Variants in PMEPA1 observed in about 807,000 individuals in gnomAD.
The protein encoded by PMEPA1 is protein TMEPAI.
In PMEPA1, 11 loss-of-function variants were observed where a neutral mutation model predicts 23.0. The observed-to-expected ratio is 0.48, with a 90% CI of 0.30 to 0.79. PMEPA1 has a LOEUF of 0.79. PMEPA1 is among the 30% of genes least tolerant of loss of function. The probability of loss-of-function intolerance (pLI) is 0.06; values close to 1 mark genes in which losing one functional copy is unlikely to be tolerated. For synonymous variants in PMEPA1, 204 were observed against 166.4 expected, an observed-to-expected ratio of 1.23 and a Z score of -1.74; for missense variants, 377 against 390.9, an observed-to-expected ratio of 0.96 and a Z score of 0.30.
chr20:57,711,312 G>A (rs1005052810), upstream of PMEPA1: 1 of 152,186 alleles, frequency 6.6e-6, no homozygotes, highest in Non-Finnish European at 1.5e-5. Flanking sequence ...GTGGCCTCGG[G>A]GTAGAACTTA....
In PMEPA1 at chr20:57,674,293, G is replaced by C. The variant is rs8117612; in HGVS notation, c.110-14596C>G. On this transcript the variant is annotated intron_variant, in intron 1 of 3. Transcript: ENST00000341744. ...CCTCCTTCCATGTGCTGGCACCAAG[G>C]AACGGCCATGTGAGGACGCAGCCAG... is the stretch of plus-strand genomic sequence containing the variant. Among the ~76,000 whole-genome samples the C allele has an allele frequency of 5.5e-3, 845 of 152,306 alleles. 13 individuals carry two copies. Among genetic ancestry groups the C allele is most frequent in the African/African-American group, 0.02 (811 of 41,554 alleles).
chr20:57,700,667 T>C (rs1267437487), intron 1 of PMEPA1, among the ~76,000 whole-genome samples: 1 of 152,218 alleles, frequency 6.6e-6, no homozygotes, highest in African/African-American at 2.4e-5. Context: ...AATAAAATTC[T>C]CTTTTCTGCC....
chr20:57,710,475 G>C, upstream of PMEPA1: 1 of 1,607,770 alleles, frequency 6.2e-7, no homozygotes, highest in Non-Finnish European at 8.5e-7. Flanking sequence ...GCCTGGTTTC[G>C]CAGGAGACTG....
chr20:57,680,276 C>T lies in PMEPA1; in HGVS notation c.110-20579G>A, dbSNP rs191662443. Among the ~76,000 whole-genome samples, 109 of 152,350 alleles carry T rather than the reference C, an allele frequency of 7.2e-4. 1 individual carries two copies. The highest frequency in any genetic ancestry group is 6.8e-3 in the Middle Eastern group (2 of 294). On this transcript the variant is annotated intron_variant, in intron 1 of 3. Coordinates refer to ENST00000341744, the MANE Select transcript of PMEPA1 (RefSeq NM_020182.5). ...CTTTGGGGAGTCCCGTCAACACCCGCATTCTGCAGATGAAGGGACTGGGAC... is the reference window on the plus strand; with the variant it reads ...CTTTGGGGAGTCCCGTCAACACCCGTATTCTGCAGATGAAGGGACTGGGAC...
At chr20:57,670,157 T>A (rs2071547794) in intron 1 of PMEPA1, among the ~76,000 whole-genome samples, 1 of 139,780 alleles carries the variant, frequency 7.2e-6, no homozygotes, top group Non-Finnish European at 1.5e-5. Flanking sequence ...GCACCAGACA[T>A]CTCGCTTCCT....
At chr20:57,684,067 G>A (rs919101677) in intron 1 of PMEPA1, among the ~76,000 whole-genome samples, 13 of 152,262 alleles carry the variant, frequency 8.5e-5, no homozygotes, top group African/African-American at 2.9e-4. Context: ...GGTTAGACTC[G>A]CTTCATCTGG....
At chr20:57,659,741 G>T in intron 1 of PMEPA1, 44 bp from the exon 2 acceptor site, 1 of 1,540,816 alleles carries the variant, frequency 6.5e-7, no homozygotes, top group Non-Finnish European at 8.8e-7. Flanking sequence ...GACACCTGCA[G>T]GTCGCTGTGC....
chr20:57,689,691 C>T (rs954611316), intron 1 of PMEPA1, among the ~76,000 whole-genome samples: 1 of 152,194 alleles, frequency 6.6e-6, no homozygotes, highest in Non-Finnish European at 1.5e-5. Flanking sequence ...TTCCCAGCTC[C>T]GGGGACAAGG....
In PMEPA1 at chr20:57,652,009, TG is replaced by T; in HGVS notation, c.*43del. On this transcript the variant is annotated 3_prime_UTR_variant, in exon 4 of 4. Transcript: ENST00000341744. This position sits in a 1 kb window ranked among gnomAD's most constrained non-coding sequence, Gnocchi z 6.1. The stretch of plus-strand genomic sequence containing the variant: ...CTCTTCTAAGAAGCGCGGAGTGTTC[TG>T]CCTTTTCACCTACGCAGCCCCAGCC... 7.0e-7 allele frequency: 1 copy of T among 1,434,572 alleles called. No individual in the cohort carries two copies. The highest frequency in any genetic ancestry group is 9.2e-7 in the Non-Finnish European group (1 of 1,084,072). 88.9% of individuals were successfully genotyped at this position (1,434,572 alleles called of 1,614,324 possible).
intron 1 of PMEPA1, among the ~76,000 whole-genome samples, chr20:57,660,127 G>A (rs764987499): frequency 4.9e-4 from 74 of 152,288 alleles, no homozygotes; most frequent in Middle Eastern, 3.4e-3. Context: ...TCGGGCAGAC[G>A]GTCACAGACC....
At position 57,669,788 on chromosome 20, in the gene PMEPA1, C is replaced by CA. The variant is rs2071542733; in HGVS notation, c.110-10092dup. Among the ~76,000 whole-genome samples the CA allele has an allele frequency of 1.3e-5, 2 of 152,010 alleles. 1 individual carries two copies. The highest frequency in any genetic ancestry group is 4.1e-4 in the South Asian group (2 of 4,826). The stretch of plus-strand genomic sequence containing the variant: ...CTGTGGGTCCCTCGAGGAGGGACCA[C>CA]AGACACCAGGGGACATCCCTTCCGT... On this transcript the variant is annotated intron_variant, in intron 1 of 3. Transcript: ENST00000341744.
chr20:57,654,399 C>T (rs778988163), intron 2 of PMEPA1, among the ~76,000 whole-genome samples: 5 of 152,014 alleles, frequency 3.3e-5, no homozygotes, highest in Admixed American at 6.6e-5. Flanking sequence ...GGTAGGATAC[C>T]GCTCACCTGC....
intron 1 of PMEPA1, among the ~76,000 whole-genome samples, chr20:57,665,431 G>A (rs1173878509): frequency 3.3e-5 from 5 of 151,036 alleles, no homozygotes; most frequent in African/African-American, 1.2e-4. Context: ...TGATGTTCTG[G>A]TCCAGTCCTC....
In PMEPA1 at chr20:57,652,374, C is replaced by T. The variant is rs1411381303; in HGVS notation, c.543G>A (p.Glu181=). The change falls in exon 4 of 4, where the codon GAG becomes GAA. Residue 181 remains glutamate, a synonymous_variant. Coordinates refer to ENST00000341744, the MANE Select transcript of PMEPA1 (RefSeq NM_020182.5). The surrounding 1 kb of genome is among the most constrained non-coding windows in gnomAD (Gnocchi z 6.1). ...TTCTGTTTGGGGGTGCGCGCACCGA[C>T]TCCCGGTTCAGTTCCAGCTGCTGCT... ...DPEQQLELNR[E]SVRAPPNRTI... 12 of 1,613,588 alleles carry T rather than the reference C, an allele frequency of 7.4e-6. No homozygotes were observed. The highest frequency in any genetic ancestry group is 1.0e-5 in the Non-Finnish European group (12 of 1,179,926).
chr20:57,679,723 G>A (rs1465595115), intron 1 of PMEPA1, among the ~76,000 whole-genome samples: 1 of 152,192 alleles, frequency 6.6e-6, no homozygotes, highest in African/African-American at 2.4e-5. Flanking sequence ...GGAAGGGGGT[G>A]GTCACCTGGC....
intron 2 of PMEPA1, among the ~76,000 whole-genome samples, chr20:57,659,105 T>C (rs1368278474): frequency 6.6e-6 from 1 of 151,946 alleles, no homozygotes; most frequent in Non-Finnish European, 1.5e-5. Flanking sequence ...TAGCCGAGGG[T>C]TCCTCGCAGA....
At chr20:57,684,859 AG>A (rs11383075) in intron 1 of PMEPA1, among the ~76,000 whole-genome samples, 29 of 144,094 alleles carry the variant, frequency 2.0e-4, no homozygotes, top group African/African-American at 2.6e-4. Flanking sequence ...AGGAGCTGGG[AG>A]GGGGGGGTCT....
At chr20:57,710,969 T>C (rs1246452534), upstream of PMEPA1, 1 of 152,420 alleles carries the variant, frequency 6.6e-6, no homozygotes, top group East Asian at 1.9e-4. Flanking sequence ...TGCCAGAAAC[T>C]CTCCAAATAT....
rs562482195 is a variant in PMEPA1, at chr20:57,662,462, C to T, written c.110-2765G>A. ...TTCCCAAGCCCCGAGAAGGCTTCGG[C>T]CCTGCCTGCTGGGAACTCAGGCCCC... is the stretch of plus-strand genomic sequence containing the variant. On this transcript the variant is annotated intron_variant, in intron 1 of 3. Coordinates refer to ENST00000341744, the MANE Select transcript of PMEPA1 (RefSeq NM_020182.5). Among the ~76,000 whole-genome samples the T allele has an allele frequency of 3.9e-5, 6 of 152,312 alleles. No homozygotes were observed. The South Asian group carries it at 1.2e-3, about 32-fold the overall frequency.
Sources: gnomAD v4.1 joint callset for allele counts (sites outside exome capture counted in the v4.1 genomes callset) on GRCh38, gnomAD v4.1.1 for gene constraint, Gnocchi (gnomAD v3.1) non-coding constraint, MANE v1.5 for transcripts, NCBI Gene and HGNC (gene_info 2026-07-23, HGNC 2026-07-21) for gene names.